The following MAPK8IP3 variants were observed in gnomAD, a reference collection of about 807,000 sequenced individuals.
MAPK8IP3 encodes C-Jun-amino-terminal kinase-interacting protein 3.
Under a neutral mutation model 157.8 loss-of-function variants are expected in MAPK8IP3, and 49 were observed. The ratio of observed to expected loss-of-function variants is 0.31; its 90% confidence interval spans 0.25 to 0.39. The LOEUF is 0.39. Ranked by LOEUF, MAPK8IP3 falls within the 10% of genes least tolerant of loss-of-function variation. MAPK8IP3 has a pLI of 1.00. For missense variants in MAPK8IP3, 1,478 were observed against 1,889.4 expected (o/e 0.78, Z 4.04); for synonymous variants, 897 against 777.7 (o/e 1.15, Z -2.55).
In MAPK8IP3 at chr16:1,748,586, C is replaced by A; in HGVS notation, c.1098-16C>A. 6.2e-7 allele frequency: 1 copy of A among 1,601,892 alleles called. No individual in the cohort carries two copies. Among genetic ancestry groups the A allele is most frequent in the East Asian group, 2.2e-5 (1 of 44,826 alleles). On this transcript the variant is annotated splice_polypyrimidine_tract_variant and intron_variant, in intron 7 of 31. Coordinates refer to ENST00000610761, the MANE Select transcript of MAPK8IP3 (RefSeq NM_001318852.2). ...CACTGACTCTGCTCTCTCTCCCGAC[C>A]TGTGGATCCCAACAGCCCAACCCAG...
In MAPK8IP3 at chr16:1,762,688, C is replaced by A; in HGVS notation, c.1684C>A (p.His562Asn). 6.4e-7 allele frequency: 1 copy of A among 1,561,246 alleles called. No homozygotes were observed. Among genetic ancestry groups the A allele is most frequent in the South Asian group, 1.2e-5 (1 of 83,254 alleles). ...CCTCCCCTGCAGAGCGTCCCGAGAG[C>A]ACCCATCCGTCCAGGAGAAGAAGAA... Reference protein sequence around the residue: ...WTEMIRASREHPSVQEKKKST... With the variant: ...WTEMIRASRENPSVQEKKKST... Residue 562 changes from histidine (H) to asparagine (N), a missense_variant, in exon 15 of 32, where the codon CAC (histidine) becomes AAC (asparagine). His to Asn is a moderately conservative substitution (Grantham distance 68). Transcript: ENST00000610761.
chr16:1,748,445 T>G, intron 7 of MAPK8IP3, 99 bp downstream of exon 7: 1 of 1,220,742 alleles, frequency 8.2e-7, no homozygotes, highest in Admixed American at 1.9e-5. Flanking sequence ...GGGAGAACCA[T>G]CAAGGCTGTG....
intron 2 of MAPK8IP3, among the ~76,000 whole-genome samples, chr16:1,725,918 C>T (rs2038847731): frequency 6.6e-6 from 1 of 152,112 alleles, no homozygotes; most frequent in African/African-American, 2.4e-5. Flanking sequence ...AGGATGGTCT[C>T]GATCTTCTGA....
At chr16:1,759,112 C>A in intron 10 of MAPK8IP3, 117 bp downstream of exon 10, 1 of 1,372,990 alleles carries the variant, frequency 7.3e-7, no homozygotes, top group Non-Finnish European at 1.0e-6. Flanking sequence ...CCGCCGGGGT[C>A]AGGGGGGCAG....
At chr16:1,721,456 G>A (rs1273923230) in intron 1 of MAPK8IP3, among the ~76,000 whole-genome samples, 6 of 151,946 alleles carry the variant, frequency 3.9e-5, no homozygotes, top group African/African-American at 1.5e-4. Flanking sequence ...TTTTTTTAGA[G>A]AGAGGATCTC....
Position 1,724,500 on chromosome 16 carries a change from GGCGGCTGCTCC to G in MAPK8IP3, c.319-56_319-46del. 1 of 1,581,246 alleles carries G rather than the reference GGCGGCTGCTCC, an allele frequency of 6.3e-7. No homozygotes were observed. The highest frequency in any genetic ancestry group is 8.6e-7 in the Non-Finnish European group (1 of 1,160,472). ...AAAGCCTGCGGCCCTTCAAGTGAAAGGCGGCTGCTCCACACTCACTCCTGATGACTGCTCTT... is the reference window on the plus strand; with the variant it reads ...AAAGCCTGCGGCCCTTCAAGTGAAAGACACTCACTCCTGATGACTGCTCTT... On this transcript the variant is annotated intron_variant, in intron 1 of 31. Coordinates refer to ENST00000610761, the MANE Select transcript of MAPK8IP3 (RefSeq NM_001318852.2). This position sits in a 1 kb window ranked among gnomAD's most constrained non-coding sequence, Gnocchi z 4.1.
chr16:1,706,299 C>T lies in MAPK8IP3; in HGVS notation c.-41C>T. ...GGCAGCTGGGGAGGGCCGGGCGCGC[C>T]GGCCGGATAGCGAGCCGCGCTGGCG... On this transcript the variant is annotated 5_prime_UTR_variant, in exon 1 of 32. Transcript: ENST00000610761. The surrounding 1 kb of genome is among the most constrained non-coding windows in gnomAD (Gnocchi z 5.1). 4 of 1,497,754 alleles carry T rather than the reference C, an allele frequency of 2.7e-6. No individual in the cohort carries two copies. Among genetic ancestry groups the T allele is most frequent in the Non-Finnish European group, 2.7e-6 (3 of 1,124,548 alleles). The allele number at this position is 1,497,754 out of a possible 1,614,324, so 92.8% of individuals were successfully genotyped here.
chr16:1,742,394 C>T lies in MAPK8IP3; in HGVS notation c.603-938C>T, dbSNP rs567762812. Among the ~76,000 whole-genome samples the T allele has an allele frequency of 2.6e-4, 39 of 152,274 alleles. No homozygotes were observed. The highest frequency in any genetic ancestry group is 2.3e-3 in the Admixed American group (35 of 15,298). On this transcript the variant is annotated intron_variant, in intron 4 of 31. Coordinates refer to ENST00000610761, the MANE Select transcript of MAPK8IP3 (RefSeq NM_001318852.2). The surrounding 1 kb of genome is among the most constrained non-coding windows in gnomAD (Gnocchi z 5.0). ...GCTCCCACTGTCTTGCCAGGCTGTC[C>T]GAGGCCAGGCTGTCCCAGGGTCCGT...
At chr16:1,744,668 C>G (rs139022085) in intron 5 of MAPK8IP3, 2 of 985,360 alleles carry the variant, frequency 2.0e-6, no homozygotes, top group African/African-American at 1.7e-5. Context: ...CAGCCTCAGC[C>G]GGGGGGAGCC....
At chr16:1,739,514 C>A (rs1346549840) in intron 4 of MAPK8IP3, among the ~76,000 whole-genome samples, 3 of 104,048 alleles carry the variant, frequency 2.9e-5, no homozygotes, top group Non-Finnish European at 5.6e-5. Context: ...GAGTGTGTGA[C>A]CGTCCGTGTG....
chr16:1,746,716 C>G (rs1007218833), intron 5 of MAPK8IP3: 2 of 385,040 alleles, frequency 5.2e-6, no homozygotes, highest in Non-Finnish European at 9.5e-6. Context: ...CGCTGTGTCC[C>G]TGGCGAGGCA....
At chr16:1,729,447 C>T in intron 3 of MAPK8IP3, 40 bp from the exon 4 acceptor site, 1 of 1,570,436 alleles carries the variant, frequency 6.4e-7, no homozygotes, top group Non-Finnish European at 8.7e-7. Context: ...GGAGACAGCC[C>T]CCCACGGCAG....
At chr16:1,731,687 C>G (rs1218468168) in intron 4 of MAPK8IP3, among the ~76,000 whole-genome samples, 1 of 152,208 alleles carries the variant, frequency 6.6e-6, no homozygotes, top group African/African-American at 2.4e-5. Flanking sequence ...GGGTGGCCAG[C>G]CACCCTATAT....
chr16:1,747,845 T>C (rs2041060560), intron 6 of MAPK8IP3, among the ~76,000 whole-genome samples: 1 of 152,130 alleles, frequency 6.6e-6, no homozygotes, highest in Non-Finnish European at 1.5e-5. Flanking sequence ...ACCAGTAGCC[T>C]ACGTCACCCC....
Position 1,738,059 on chromosome 16 carries a change from T to C in MAPK8IP3, c.603-5273T>C, listed in dbSNP as rs570532335. On this transcript the variant is annotated intron_variant, in intron 4 of 31. Transcript: ENST00000610761. ...GTGAGCGTGTGACCGTCCGTGTGAG[T>C]GTGTGACCATCCGTGTGAGAGTGTG... Among the ~76,000 whole-genome samples the C allele has an allele frequency of 1.8e-3, 142 of 78,980 alleles. 3 individuals are homozygous for C. Among genetic ancestry groups the C allele is most frequent in the African/African-American group, 7.5e-3 (127 of 17,044 alleles). The allele number at this position is 78,980 out of a possible 152,430, so 51.8% of individuals were successfully genotyped here. A position where few individuals can be genotyped will look rare whatever the true frequency, so the allele number is the denominator to read the frequency against.
At chr16:1,744,720 C>T (rs750216625) in intron 5 of MAPK8IP3, 130 of 985,494 alleles carry the variant, frequency 1.3e-4, no homozygotes, top group Admixed American at 1.8e-4. Context: ...CTCTCGCGCC[C>T]GCTCTGGGCC....
chr16:1,766,936 C>G lies in MAPK8IP3; in HGVS notation c.3053C>G (p.Ala1018Gly). 6.3e-7 allele frequency: 1 copy of G among 1,595,106 alleles called. No homozygotes were observed. Among genetic ancestry groups the G allele is most frequent in the Non-Finnish European group, 8.6e-7 (1 of 1,168,606 alleles). Residue 1018 changes from alanine (A) to glycine (G), a missense_variant, in exon 25 of 32, where the codon GCG becomes GGG. Physicochemically the swap from Ala to Gly is moderately conservative, Grantham distance 60. Around this residue, in one of 11 missense-constraint regions of MAPK8IP3, gnomAD observed 669 missense variants for 759.8 expected, o/e 0.88. Coordinates refer to ENST00000610761, the MANE Select transcript of MAPK8IP3 (RefSeq NM_001318852.2). ...HVKGRVLVAL[A>G]DGTLAIFHRG... is the part of the protein sequence containing the mutation. Reference sequence around the variant, plus strand: ...AAAGGCCGTGTGCTGGTGGCTCTGGCGGACGGGACCCTGGCCATCTTCCAC... The same window carrying G: ...AAAGGCCGTGTGCTGGTGGCTCTGGGGGACGGGACCCTGGCCATCTTCCAC...
intron 8 of MAPK8IP3, 181 bp downstream of exon 8, chr16:1,748,901 T>C: frequency 1.3e-6 from 1 of 741,768 alleles, no homozygotes. Context: ...AGGGGATTGG[T>C]TTCTGGACTG....
intron 18 of MAPK8IP3, 24 bp from the exon 19 acceptor site, chr16:1,764,277 C>T (rs966670456): frequency 1.3e-6 from 2 of 1,585,168 alleles, no homozygotes; most frequent in Non-Finnish European, 1.7e-6. Flanking sequence ...CCGGTGACAC[C>T]CGACCTCGGC....
Sources: gnomAD v4.1 joint callset for allele counts (sites outside exome capture counted in the v4.1 genomes callset) on GRCh38, gnomAD v4.1.1 for gene constraint, gnomAD v4.1.1 regional missense constraint, Gnocchi (gnomAD v3.1) non-coding constraint, MANE v1.5 for transcripts, NCBI Gene and HGNC (gene_info 2026-07-23, HGNC 2026-07-21) for gene names.